The following MIR2052HG variants were observed in gnomAD, a reference collection of about 807,000 sequenced individuals.
MIR2052HG encodes MIR2052 host gene.
chr8:74,746,354 T>C (rs1209644710), intron 4 of MIR2052HG, among the ~76,000 whole-genome samples: 1 of 152,200 alleles, frequency 6.6e-6, no homozygotes, highest in Non-Finnish European at 1.5e-5. Flanking sequence ...GCAACTACAT[T>C]GATTAAACAT....
chr8:74,679,824 G>T (rs899218237), intron 2 of MIR2052HG, among the ~76,000 whole-genome samples: 32 of 152,040 alleles, frequency 2.1e-4, no homozygotes, highest in Non-Finnish European at 3.5e-4. Context: ...TTACAGGCAT[G>T]AGCCACCGTG....
chr8:74,719,414 C>G (rs1335737338), intron 4 of MIR2052HG, among the ~76,000 whole-genome samples: 1 of 152,126 alleles, frequency 6.6e-6, no homozygotes, highest in Non-Finnish European at 1.5e-5. Context: ...GACTTCCTGC[C>G]CTAGCTGTGG....
intron 1 of MIR2052HG, among the ~76,000 whole-genome samples, chr8:74,606,759 T>A (rs938027141): frequency 3.9e-5 from 6 of 152,156 alleles, no homozygotes; most frequent in African/African-American, 1.2e-4. Flanking sequence ...GGTGACAATC[T>A]GTGCAACAAA....
chr8:74,629,435 G>T, intron 2 of MIR2052HG, among the ~76,000 whole-genome samples: 1 of 152,078 alleles, frequency 6.6e-6, no homozygotes, highest in East Asian at 1.9e-4. Context: ...AGTAGGTGAT[G>T]CCTAGGGTGG....
chr8:74,727,752 A>G (rs181991730), intron 4 of MIR2052HG, among the ~76,000 whole-genome samples: 19 of 152,348 alleles, frequency 1.2e-4, no homozygotes, highest in African/African-American at 3.6e-4. Flanking sequence ...AGAAAATACT[A>G]AAAACAAAAC....
At chr8:74,634,188 T>G (rs547006600) in intron 2 of MIR2052HG, among the ~76,000 whole-genome samples, 1 of 152,316 alleles carries the variant, frequency 6.6e-6, no homozygotes, top group South Asian at 2.1e-4. Context: ...ATTCAGGAAC[T>G]AGCAATACTT....
At chr8:74,726,426 G>C (rs1809636675) in intron 4 of MIR2052HG, among the ~76,000 whole-genome samples, 2 of 152,148 alleles carry the variant, frequency 1.3e-5, no homozygotes, top group South Asian at 4.1e-4. Context: ...TAAGTACCAA[G>C]CGATTGGTAA....
At chr8:74,677,094 T>C (rs1809061160) in intron 2 of MIR2052HG, among the ~76,000 whole-genome samples, 1 of 152,002 alleles carries the variant, frequency 6.6e-6, no homozygotes, top group South Asian at 2.1e-4. Flanking sequence ...AAAGCATCAG[T>C]AGAAATAGAA....
intron 2 of MIR2052HG, among the ~76,000 whole-genome samples, chr8:74,686,341 A>G (rs1809180727): frequency 6.6e-6 from 1 of 152,000 alleles, no homozygotes; most frequent in African/African-American, 2.4e-5. Context: ...TGACTGACTT[A>G]CAATTTTTTT....
chr8:74,713,542 T>G (rs1809490945), intron 4 of MIR2052HG, among the ~76,000 whole-genome samples: 1 of 152,070 alleles, frequency 6.6e-6, no homozygotes, highest in South Asian at 2.1e-4. Context: ...GATTCCTTAA[T>G]TTTTTACTTC....
chr8:74,643,205 T>C (rs796089451), intron 2 of MIR2052HG, among the ~76,000 whole-genome samples: 17 of 152,334 alleles, frequency 1.1e-4, no homozygotes, highest in African/African-American at 3.8e-4. Flanking sequence ...AGGCGAATTA[T>C]TCTTGTGCAT....
At chr8:74,600,587 GAAA>G (rs748726692) in intron 1 of MIR2052HG, among the ~76,000 whole-genome samples, 1 of 137,604 alleles carries the variant, frequency 7.3e-6, no homozygotes, top group Non-Finnish European at 1.6e-5. Context: ...AAAGAAAAAG[GAAA>G]AAAAAAAAAG....
At position 74,677,971 on chromosome 8, in the gene MIR2052HG, G is replaced by A. The variant is rs190233616; in HGVS notation, n.217-24408G>A. Among the ~76,000 whole-genome samples, 356 of 152,082 alleles carry A rather than the reference G, an allele frequency of 2.3e-3. 3 individuals carry two copies. Among genetic ancestry groups the A allele is most frequent in the Middle Eastern group, 0.017 (5 of 294 alleles). The stretch of plus-strand genomic sequence containing the variant: ...GAAAAAGCTCATAACTACAAAGAGC[G>A]GAAATTGAAAAGATAGATTTTTTTC... On this transcript the variant is annotated intron_variant and non_coding_transcript_variant, in intron 2 of 6. Transcript: ENST00000523442.
At chr8:74,741,742 G>C (rs569143111) in intron 4 of MIR2052HG, among the ~76,000 whole-genome samples, 1 of 152,182 alleles carries the variant, frequency 6.6e-6, no homozygotes, top group African/African-American at 2.4e-5. Flanking sequence ...TCTGTGTAAG[G>C]CACGTCACAG....
chr8:74,697,048 C>A (rs968689866), intron 2 of MIR2052HG, among the ~76,000 whole-genome samples: 3 of 152,030 alleles, frequency 2.0e-5, no homozygotes, highest in South Asian at 4.1e-4. Context: ...AGACTAATAT[C>A]CCTGATGAAC....
At chr8:74,623,184 A>C (rs1473699806) in intron 2 of MIR2052HG, among the ~76,000 whole-genome samples, 2 of 152,270 alleles carry the variant, frequency 1.3e-5, no homozygotes, top group Non-Finnish European at 2.9e-5. Context: ...GGTGATTGTT[A>C]GGTTAATTAG....
At chr8:74,605,053 A>T (rs1745312614) in intron 1 of MIR2052HG, among the ~76,000 whole-genome samples, 1 of 152,126 alleles carries the variant, frequency 6.6e-6, no homozygotes, top group South Asian at 2.1e-4. Flanking sequence ...CTTAAGACCC[A>T]TATTCTGCCC....
intron 4 of MIR2052HG, among the ~76,000 whole-genome samples, chr8:74,724,911 G>T (rs899745150): frequency 6.6e-6 from 1 of 151,356 alleles, no homozygotes; most frequent in Admixed American, 6.6e-5. Flanking sequence ...TCCCAATTCT[G>T]CTGGTAAGCA....
intron 1 of MIR2052HG, among the ~76,000 whole-genome samples, chr8:74,600,431 A>T (rs1203045615): frequency 2.0e-5 from 3 of 151,280 alleles, no homozygotes; most frequent in Non-Finnish European, 4.4e-5. Context: ...TAAAAATACA[A>T]AATTAGCCGG....
Sources: allele counts gnomAD v4.1 joint callset (sites outside exome capture counted in the v4.1 genomes callset), GRCh38; gene constraint gnomAD v4.1.1; transcripts MANE v1.5; gene names NCBI Gene and HGNC (gene_info 2026-07-23, HGNC 2026-07-21).